The following WDFY3 variants were observed in gnomAD, a reference collection of about 807,000 sequenced individuals.
WDFY3 encodes the protein WD repeat and FYVE domain containing 3.
Under a neutral mutation model 409.6 loss-of-function variants are expected in WDFY3, and 66 were observed. The observed-to-expected ratio is 0.16, with a 90% CI of 0.13 to 0.20. WDFY3 has a LOEUF of 0.20. WDFY3 is among the 10% of genes least tolerant of loss of function. The pLI, the probability that WDFY3 is intolerant of heterozygous loss-of-function variation, is 1.00. For synonymous variants in WDFY3, 1,521 were observed against 1,537.1 expected (o/e 0.99, Z 0.25); for missense variants, 3,031 against 4,298.1 (o/e 0.71, Z 8.24).
At chr4:84,813,435 T>G (rs1275779696) in intron 13 of WDFY3, among the ~76,000 whole-genome samples, 1 of 152,164 alleles carries the variant, frequency 6.6e-6, no homozygotes, top group African/African-American at 2.4e-5. Context: ...ACTCATCAGT[T>G]TCTAATTATT....
At chr4:84,911,904 T>C (rs1439578356) in intron 2 of WDFY3, among the ~76,000 whole-genome samples, 1 of 152,200 alleles carries the variant, frequency 6.6e-6, no homozygotes, top group African/African-American at 2.4e-5. Context: ...TATTAAATCA[T>C]TAACTGCATA....
intron 7 of WDFY3, among the ~76,000 whole-genome samples, chr4:84,836,625 C>G (rs1756612174): frequency 6.6e-6 from 1 of 151,896 alleles, no homozygotes; most frequent in Admixed American, 6.6e-5. Flanking sequence ...ATCTTTATAT[C>G]ATTTTCAAGT....
chr4:84,869,138 T>C (rs1176327812), intron 3 of WDFY3, among the ~76,000 whole-genome samples: 1 of 152,188 alleles, frequency 6.6e-6, no homozygotes, highest in African/African-American at 2.4e-5. Context: ...AGGAATGAGA[T>C]GCACTTCAGC....
intron 15 of WDFY3, among the ~76,000 whole-genome samples, chr4:84,805,527 T>C (rs763241932): frequency 1.2e-4 from 18 of 152,306 alleles, no homozygotes; most frequent in Non-Finnish European, 1.6e-4. Context: ...CTTTTAAATT[T>C]TGGAATTATG....
intron 24 of WDFY3, among the ~76,000 whole-genome samples, chr4:84,785,474 T>C (rs1254713790): frequency 6.6e-6 from 1 of 152,160 alleles, no homozygotes; most frequent in Non-Finnish European, 1.5e-5. Flanking sequence ...AGCTTCTCTC[T>C]TTCCCCTTCC....
chr4:84,939,084 T>A (rs181275573), intron 1 of WDFY3, among the ~76,000 whole-genome samples: 1 of 152,158 alleles, frequency 6.6e-6, no homozygotes, highest in African/African-American at 2.4e-5. Context: ...TCAGGTACTG[T>A]TAGTGGTTCT....
intron 18 of WDFY3, 133 bp downstream of exon 18, chr4:84,797,863 G>A (rs1283967139): frequency 1.3e-5 from 10 of 782,288 alleles, no homozygotes; most frequent in African/African-American, 1.8e-5. Flanking sequence ...GAGCCACCGC[G>A]CCGGGCCTGT....
chr4:84,844,554 A>C, intron 5 of WDFY3: 1 of 1,278,028 alleles, frequency 7.8e-7, no homozygotes, highest in Non-Finnish European at 1.0e-6. Flanking sequence ...GGATTCACTA[A>C]ATTCCACTAA....
At chr4:84,792,172 ATACT>A (rs1211000447) in intron 21 of WDFY3, among the ~76,000 whole-genome samples, 4 of 152,352 alleles carry the variant, frequency 2.6e-5, no homozygotes, top group Admixed American at 1.3e-4. Context: ...ATATCTGCAC[ATACT>A]TAAATACCAA....
intron 1 of WDFY3, among the ~76,000 whole-genome samples, chr4:84,944,925 T>G (rs1237570493): frequency 1.3e-5 from 2 of 152,218 alleles, no homozygotes; most frequent in Non-Finnish European, 2.9e-5. Context: ...GCTGGAAAGC[T>G]TATAATCCTT....
intron 33 of WDFY3, 36 bp downstream of exon 33, chr4:84,756,890 C>G: frequency 6.3e-7 from 1 of 1,584,532 alleles, no homozygotes; most frequent in South Asian, 1.1e-5. Flanking sequence ...CTTTGGAATA[C>G]GTAATTTCAC....
At chr4:84,683,918 T>A in intron 63 of WDFY3, 25 bp downstream of exon 63, 1 of 1,559,906 alleles carries the variant, frequency 6.4e-7, no homozygotes, top group Non-Finnish European at 8.8e-7. Context: ...AATATCCTAA[T>A]GAGTTTTTCT....
chr4:84,761,887 G>A (rs1034017439), intron 32 of WDFY3, among the ~76,000 whole-genome samples: 9 of 152,208 alleles, frequency 5.9e-5, no homozygotes, highest in Non-Finnish European at 1.0e-4. Context: ...GGCCATCAGA[G>A]AAATGCAAAT....
In WDFY3 at chr4:84,780,147, T is replaced by C. The variant is rs200486768; in HGVS notation, c.4326A>G (p.Pro1442=). ...TTCTTTCCATTTCTTTGCTGGCTAG[T>C]GGGTTACTCTTGACCACACAAACCA... ...KALVCVVKSN[P]LASKEMERIK... Residue 1442 remains proline (P), a synonymous_variant, in exon 26 of 68, where the codon CCA becomes CCG. Coordinates refer to ENST00000295888, the MANE Select transcript of WDFY3 (RefSeq NM_014991.6). The C allele has an allele frequency of 3.1e-6, 5 of 1,610,456 alleles. No homozygotes were observed. In the African/African-American group the frequency reaches 5.3e-5, roughly 17 times the overall value.
At chr4:84,905,592 T>C (rs1294178469) in intron 2 of WDFY3, among the ~76,000 whole-genome samples, 1 of 152,218 alleles carries the variant, frequency 6.6e-6, no homozygotes, top group Non-Finnish European at 1.5e-5. Flanking sequence ...ATGGTCTTAT[T>C]ATTTTCCTGC....
Position 84,838,088 on chromosome 4 carries a change from A to G in WDFY3, c.415-998T>C, listed in dbSNP as rs376609551. On this transcript the variant is annotated intron_variant, in intron 6 of 67. Coordinates refer to ENST00000295888, the MANE Select transcript of WDFY3 (RefSeq NM_014991.6). ...AATAAAAAGGGAAAGATCACCTGGA[A>G]GATACATAGGAGGTTAGGCCATATG... Among the ~76,000 whole-genome samples the G allele has an allele frequency of 5.3e-5, 8 of 152,332 alleles. No individual in the cohort carries two copies. The East Asian group carries it at 1.2e-3, about 22-fold the overall frequency.
chr4:84,819,298 A>G (rs550440889), intron 12 of WDFY3, among the ~76,000 whole-genome samples: 1 of 152,206 alleles, frequency 6.6e-6, no homozygotes, highest in East Asian at 1.9e-4. Flanking sequence ...AATATGATGA[A>G]TGCTGAGTTT....
chr4:84,820,799 G>A (rs1753947149), intron 11 of WDFY3, among the ~76,000 whole-genome samples: 1 of 152,048 alleles, frequency 6.6e-6, no homozygotes, highest in Non-Finnish European at 1.5e-5. Context: ...AGAAGCACAA[G>A]GCAGTAGATA....
At chr4:84,694,386 G>A (rs1045299927) in intron 58 of WDFY3, among the ~76,000 whole-genome samples, 3 of 152,170 alleles carry the variant, frequency 2.0e-5, no homozygotes, top group African/African-American at 4.8e-5. Flanking sequence ...ATTACTCAAT[G>A]TGTGTCCCAG....
Sources: gnomAD v4.1 joint callset for allele counts (sites outside exome capture counted in the v4.1 genomes callset) on GRCh38, gnomAD v4.1.1 for gene constraint, MANE v1.5 for transcripts, NCBI Gene and HGNC (gene_info 2026-07-23, HGNC 2026-07-21) for gene names.